Variants in AOAH observed in about 807,000 individuals in gnomAD.
The protein encoded by AOAH is acyloxyacyl hydrolase (neutrophil).
A neutral mutation model predicts 92.2 loss-of-function variants in AOAH; 64 were observed. The observed-to-expected ratio is 0.69, with a 90% CI of 0.57 to 0.86. AOAH has a LOEUF of 0.86. Among genes scored for constraint, AOAH ranks in the 40% least tolerant of loss-of-function variants. The pLI, the probability that AOAH is intolerant of heterozygous loss-of-function variation, is 0.00. For synonymous variants in AOAH, 263 were observed against 254.5 expected, an observed-to-expected ratio of 1.03 and a Z score of -0.32; for missense variants, 656 against 694.6, an observed-to-expected ratio of 0.94 and a Z score of 0.62.
intron 11 of AOAH, among the ~76,000 whole-genome samples, chr7:36,604,022 T>C (rs998382940): frequency 2.0e-5 from 3 of 152,214 alleles, no homozygotes; most frequent in Non-Finnish European, 2.9e-5. Context: ...ATCAAGGTGC[T>C]GGCAAATTTG....
intron 1 of AOAH, among the ~76,000 whole-genome samples, chr7:36,691,142 T>G (rs530422130): frequency 6.6e-6 from 1 of 152,264 alleles, no homozygotes; most frequent in Admixed American, 6.5e-5. Flanking sequence ...TACCTTACGG[T>G]TTTCAAAATG....
At chr7:36,637,349 C>T (rs879797171) in intron 5 of AOAH, among the ~76,000 whole-genome samples, 1 of 152,116 alleles carries the variant, frequency 6.6e-6, no homozygotes, top group Non-Finnish European at 1.5e-5. Flanking sequence ...AAAACTGGGG[C>T]TCAGTGAAGT....
chr7:36,539,303 G>T (rs1785269759), intron 16 of AOAH, among the ~76,000 whole-genome samples: 1 of 152,136 alleles, frequency 6.6e-6, no homozygotes, highest in Admixed American at 6.5e-5. Context: ...ACCAGGGAAG[G>T]GATAGTCCCT....
intron 4 of AOAH, among the ~76,000 whole-genome samples, chr7:36,648,308 C>A (rs1584026574): frequency 6.6e-6 from 1 of 152,196 alleles, no homozygotes; most frequent in Non-Finnish European, 1.5e-5. Flanking sequence ...GATAAAATCT[C>A]ATTTTAATTT....
At chr7:36,692,737 G>A (rs1797481403) in intron 1 of AOAH, among the ~76,000 whole-genome samples, 3 of 152,310 alleles carry the variant, frequency 2.0e-5, no homozygotes, top group Middle Eastern at 3.4e-3. Context: ...TTTTCAGCAC[G>A]TACTATGTGC....
intron 3 of AOAH, among the ~76,000 whole-genome samples, chr7:36,666,819 T>C (rs999948471): frequency 8.5e-5 from 13 of 152,212 alleles, no homozygotes; most frequent in African/African-American, 2.4e-4. Flanking sequence ...AGATTTCTTC[T>C]TAGGTTCATA....
At chr7:36,545,549 G>A (rs540328530) in intron 15 of AOAH, among the ~76,000 whole-genome samples, 7 of 152,308 alleles carry the variant, frequency 4.6e-5, no homozygotes, top group East Asian at 3.9e-4. Flanking sequence ...AACCTGAAGC[G>A]TTGGCATTGA....
chr7:36,555,346 T>C (rs1453821342), intron 13 of AOAH, among the ~76,000 whole-genome samples: 1 of 152,176 alleles, frequency 6.6e-6, no homozygotes, highest in Admixed American at 6.5e-5. Context: ...CACTTGATCA[T>C]GGTGGATAAG....
At chr7:36,665,807 C>A (rs886478514) in intron 3 of AOAH, among the ~76,000 whole-genome samples, 1 of 152,030 alleles carries the variant, frequency 6.6e-6, no homozygotes, top group Non-Finnish European at 1.5e-5. Context: ...TTAATATAAT[C>A]ATGAGATTTT....
At chr7:36,622,632 CTTTCAAGGCAACCA>C (rs1360898499) in intron 7 of AOAH, among the ~76,000 whole-genome samples, 1 of 152,160 alleles carries the variant, frequency 6.6e-6, no homozygotes, top group African/African-American at 2.4e-5. Context: ...TTCACAAAAC[CTTTCAAGGCAACCA>C]TAGCCCCCAT....
intron 4 of AOAH, among the ~76,000 whole-genome samples, chr7:36,654,145 A>G (rs945325138): frequency 8.9e-6 from 1 of 112,364 alleles, no homozygotes; most frequent in Non-Finnish European, 2.1e-5. Flanking sequence ...ACACACACAC[A>G]GCAGCAGCAA....
At chr7:36,689,213 C>T (rs982732261) in intron 1 of AOAH, among the ~76,000 whole-genome samples, 17 of 152,298 alleles carry the variant, frequency 1.1e-4, no homozygotes, top group African/African-American at 3.4e-4. Flanking sequence ...AACCAGTGTC[C>T]TCTCTAGAGC....
intron 4 of AOAH, among the ~76,000 whole-genome samples, chr7:36,641,745 G>A (rs1001392531): frequency 3.3e-5 from 5 of 152,078 alleles, no homozygotes; most frequent in African/African-American, 1.2e-4. Context: ...AGGTGAGGAC[G>A]GTAACAGTTG....
At chr7:36,674,782 T>A (rs1364880806) in intron 2 of AOAH, among the ~76,000 whole-genome samples, 1 of 152,232 alleles carries the variant, frequency 6.6e-6, no homozygotes, top group East Asian at 1.9e-4. Flanking sequence ...CTTGTCATGA[T>A]GTGTCTCACA....
chr7:36,674,276 T>G (rs566087058), intron 2 of AOAH, among the ~76,000 whole-genome samples: 1 of 152,368 alleles, frequency 6.6e-6, no homozygotes, highest in Admixed American at 6.5e-5. Flanking sequence ...TTCCTTTTCG[T>G]TCATTCTTTC....
intron 15 of AOAH, among the ~76,000 whole-genome samples, chr7:36,542,112 A>G (rs1420029746): frequency 2.0e-5 from 3 of 152,182 alleles, no homozygotes; most frequent in Non-Finnish European, 1.5e-5. Flanking sequence ...CTTAAATTCA[A>G]TGACTGAATC....
In AOAH at chr7:36,614,369, C is replaced by T. The variant is rs756266663; in HGVS notation, c.846+2011G>A. On this transcript the variant is annotated intron_variant, in intron 11 of 20. Transcript: ENST00000617537. This position sits in a 1 kb window ranked among gnomAD's most constrained non-coding sequence, Gnocchi z 4.2. The stretch of plus-strand genomic sequence containing the variant: ...AACCAGTGGGTCCCATGAGGTCCTT[C>T]GCTTAGAAAGGGCCCTGCACTGGGT... Among the ~76,000 whole-genome samples the T allele has an allele frequency of 5.9e-5, 9 of 152,212 alleles. No individual in the cohort carries two copies. The East Asian group carries it at 9.6e-4, about 16-fold the overall frequency.
At chr7:36,631,975 G>A in intron 6 of AOAH, 61 bp downstream of exon 6, 1 of 1,329,722 alleles carries the variant, frequency 7.5e-7, no homozygotes, top group Middle Eastern at 1.8e-4. Context: ...ATTAGAAAAG[G>A]GGGACAAGCA....
At chr7:36,580,444 T>C (rs1480309730) in intron 12 of AOAH, among the ~76,000 whole-genome samples, 1 of 152,216 alleles carries the variant, frequency 6.6e-6, no homozygotes. Flanking sequence ...CTTTTATCCT[T>C]TTTTGAAGCA....
Sources: allele counts gnomAD v4.1 joint callset (sites outside exome capture counted in the v4.1 genomes callset), GRCh38; gene constraint gnomAD v4.1.1; non-coding constraint Gnocchi (gnomAD v3.1); transcripts MANE v1.5; gene names NCBI Gene and HGNC (gene_info 2026-07-23, HGNC 2026-07-21).